The following ZNF273 variants were observed in gnomAD, a reference collection of about 807,000 sequenced individuals.
ZNF273 encodes zinc finger protein 9.
Under a neutral mutation model 14.9 loss-of-function variants are expected in ZNF273, and 11 were observed. The ratio of observed to expected loss-of-function variants is 0.74; its 90% CI spans 0.46 to 1.22. The LOEUF (loss-of-function observed/expected upper bound fraction) is 1.22. ZNF273 is among the 50% of genes most tolerant of loss of function. ZNF273 has a pLI of 0.00. For missense variants in ZNF273, 577 were observed against 660.6 expected (o/e 0.87, Z 1.39); for synonymous variants, 199 against 223.9 (o/e 0.89, Z 0.99).
In ZNF273 at chr7:64,928,654, C is replaced by T. The variant is rs138681847; in HGVS notation, c.1326C>T (p.Phe442=). ...AATGTGGAAAAGCCTTTAGTGTATT[C>T]TCAACCCTTACTAAACATAAGATAA... ...CEECGKAFSV[F]STLTKHKIIH... is the part of the protein sequence containing the mutation. The change falls in exon 4 of 4, where the codon TTC becomes TTT. Residue 442 remains phenylalanine, a synonymous_variant. Transcript: ENST00000476120. 5.8e-4 allele frequency: 938 copies of T among 1,612,900 alleles called. 1 individual carries two copies. Among genetic ancestry groups the T allele is most frequent in the African/African-American group, 5.7e-3 (425 of 75,000 alleles).
At position 64,928,843 on chromosome 7, in the gene ZNF273, G is replaced by C. The variant is rs1794899359; in HGVS notation, c.1515G>C (p.Lys505Asn). The change falls in exon 4 of 4, where the codon AAG (lysine) becomes AAC (asparagine). Residue 505 changes from lysine (K) to asparagine (N), a missense_variant. Physicochemically the swap from Lys to Asn is moderately conservative, Grantham distance 94 (BLOSUM62 0). Coordinates refer to ENST00000476120, the MANE Select transcript of ZNF273 (RefSeq NM_021148.3). ...GGTCCTCAACTCTTACTAAACATAA[G>C]AGAATTCATACTGGAGAGAAGCCCT... ...FNWSSTLTKH[K>N]RIHTGEKPYK... The C allele has an allele frequency of 6.2e-7, 1 of 1,613,660 alleles. No individual in the cohort carries two copies. The highest frequency in any genetic ancestry group is 1.3e-5 in the African/African-American group (1 of 74,852).
chr7:64,928,508 A>G lies in ZNF273; in HGVS notation c.1180A>G (p.Ile394Val), dbSNP rs1024762543. ...GTCCTCAACCCTTACTAGACATAAG[A>G]TAGTTCATACTGGAGAGAAACCCTA... ...NQSSTLTRHK[I>V]VHTGEKPYKC... Residue 394 changes from isoleucine to valine, a missense_variant, in exon 4 of 4, where the codon ATA becomes GTA. By Grantham distance (29) the Ile-to-Val change is conservative (BLOSUM62 3). This residue lies in a region of ZNF273 where 411 missense variants were observed against 440.4 expected (regional missense o/e 0.93). Coordinates refer to ENST00000476120, the MANE Select transcript of ZNF273 (RefSeq NM_021148.3). The G allele has an allele frequency of 6.2e-7, 1 of 1,613,766 alleles. No individual in the cohort carries two copies. Among genetic ancestry groups the G allele is most frequent in the Non-Finnish European group, 8.5e-7 (1 of 1,179,876 alleles).
intron 1 of ZNF273, among the ~76,000 whole-genome samples, chr7:64,885,764 T>C (rs2129034989): frequency 6.6e-6 from 1 of 152,216 alleles, no homozygotes. Context: ...TAAAGATGGG[T>C]AAGGCGGTGC....
upstream of ZNF273, among the ~76,000 whole-genome samples, chr7:64,901,278 C>T (rs2129053365): frequency 6.6e-6 from 1 of 152,304 alleles, no homozygotes; most frequent in Admixed American, 6.5e-5. Context: ...GCTGGGATTA[C>T]AGGCATGAGC....
chr7:64,920,619 G>T (rs1348331718), intron 3 of ZNF273, among the ~76,000 whole-genome samples: 2 of 152,188 alleles, frequency 1.3e-5, no homozygotes, highest in Non-Finnish European at 2.9e-5. Flanking sequence ...AGTTGGGTGG[G>T]CCATTTCATG....
At chr7:64,937,216 C>T in the ZNF273 span, among the ~76,000 whole-genome samples, 1 of 152,172 alleles carries the variant, frequency 6.6e-6, no homozygotes, top group Admixed American at 6.5e-5. Context: ...TTCTATATTG[C>T]TAAGAAGTGG....
At chr7:64,892,974 G>A (rs1792126041), downstream of ZNF273, among the ~76,000 whole-genome samples, 1 of 152,000 alleles carries the variant, frequency 6.6e-6, no homozygotes, top group Non-Finnish European at 1.5e-5. Flanking sequence ...AACAAAAATG[G>A]AGCCTCTGTG....
At chr7:64,904,228 A>G (rs1180851289) in intron 1 of ZNF273, among the ~76,000 whole-genome samples, 1 of 152,144 alleles carries the variant, frequency 6.6e-6, no homozygotes, top group Non-Finnish European at 1.5e-5. Context: ...AACTGGGATT[A>G]CAGGCGCACG....
intron 3 of ZNF273, among the ~76,000 whole-genome samples, chr7:64,925,303 ATTTC>A (rs940913628): frequency 5.3e-5 from 8 of 151,474 alleles, no homozygotes; most frequent in Admixed American, 3.9e-4. Context: ...ATATGCTTTC[ATTTC>A]TTTCTTATTT....
exon 4 of ZNF273, chr7:64,897,358 GCTCTGTCGCCCAGA>G (rs763178684): frequency 9.8e-4 from 149 of 152,480 alleles, no homozygotes; most frequent in Non-Finnish European, 1.7e-3. Flanking sequence ...ACGGAATCTT[GCTCTGTCGCCCAGA>G]CTGGAGTGCA....
chr7:64,906,748 T>G (rs903621963), intron 1 of ZNF273, among the ~76,000 whole-genome samples: 1 of 152,022 alleles, frequency 6.6e-6, no homozygotes, highest in African/African-American at 2.4e-5. Flanking sequence ...AAAGTTAAGA[T>G]GGAAGGGGAT....
chr7:64,930,948 T>TA lies in ZNF273; in HGVS notation c.*1911dup. ...ATGGTCATAATAAAAATTACAAAAGTATGAATAAAATACATACATTTCTGA... is the reference window on the plus strand; with the variant it reads ...ATGGTCATAATAAAAATTACAAAAGTAATGAATAAAATACATACATTTCTGA... On this transcript the variant is annotated 3_prime_UTR_variant, in exon 4 of 4. Coordinates refer to ENST00000476120, the MANE Select transcript of ZNF273 (RefSeq NM_021148.3). The TA allele has an allele frequency of 6.6e-6, 1 of 152,174 alleles. No individual in the cohort carries two copies. The highest frequency in any genetic ancestry group is 2.4e-5 in the African/African-American group (1 of 41,460). 9.4% of individuals were successfully genotyped at this position (152,174 alleles called of 1,614,324 possible).
chr7:64,895,181 A>G (rs1002286262), intron 3 of ZNF273, among the ~76,000 whole-genome samples: 3 of 152,160 alleles, frequency 2.0e-5, no homozygotes, highest in Non-Finnish European at 4.4e-5. Flanking sequence ...GAGATTTTTA[A>G]TTAATAATTT....
Position 64,929,145 on chromosome 7 carries a change from C to T in ZNF273, c.*107C>T. On this transcript the variant is annotated 3_prime_UTR_variant, in exon 4 of 4. Coordinates refer to ENST00000476120, the MANE Select transcript of ZNF273 (RefSeq NM_021148.3). ...CAGAAGTGGAGTTTTCCTTATTGCA[C>T]AGGAAAGCATTTATACTTGAGAAAA... is the stretch of plus-strand genomic sequence containing the variant. 2.9e-6 allele frequency: 3 copies of T among 1,046,148 alleles called. No homozygotes were observed. Among genetic ancestry groups the T allele is most frequent in the Non-Finnish European group, 3.9e-6 (3 of 767,076 alleles). The allele number at this position is 1,046,148 out of a possible 1,614,324, so 64.8% of individuals were successfully genotyped here.
downstream of ZNF273, among the ~76,000 whole-genome samples, chr7:64,880,502 G>A (rs532011691): frequency 6.6e-6 from 1 of 152,164 alleles, no homozygotes; most frequent in Middle Eastern, 3.4e-3. Flanking sequence ...GTGTGATGGC[G>A]GCTGTGTGTG....
intron 1 of ZNF273, among the ~76,000 whole-genome samples, chr7:64,885,869 C>A (rs545001270): frequency 6.6e-6 from 1 of 152,204 alleles, no homozygotes; most frequent in East Asian, 1.9e-4. Flanking sequence ...CAGATCAGAT[C>A]TTGATGCTCT....
At chr7:64,882,122 C>G (rs1791278606), downstream of ZNF273, among the ~76,000 whole-genome samples, 1 of 152,172 alleles carries the variant, frequency 6.6e-6, no homozygotes. Flanking sequence ...CTCAAGGGCC[C>G]CGCAATCTTC....
chr7:64,890,790 T>TTA (rs141993379), downstream of ZNF273, among the ~76,000 whole-genome samples: 63,025 of 151,682 alleles, frequency 0.42, 13,250 homozygotes, highest in South Asian at 0.45. Context: ...GAAAACAGGC[T>TTA]CAGTGATGGG....
chr7:64,920,879 A>G (rs1159656647), intron 3 of ZNF273, among the ~76,000 whole-genome samples: 2 of 152,150 alleles, frequency 1.3e-5, no homozygotes, highest in Non-Finnish European at 2.9e-5. Flanking sequence ...GGTATGAGCC[A>G]TGATGCCTGA....
Sources: gnomAD v4.1 joint callset for allele counts (sites outside exome capture counted in the v4.1 genomes callset) on GRCh38, gnomAD v4.1.1 for gene constraint, gnomAD v4.1.1 regional missense constraint, MANE v1.5 for transcripts, NCBI Gene and HGNC (gene_info 2026-07-23, HGNC 2026-07-21) for gene names.